The following NR5A2 variants were observed in gnomAD, a reference collection of about 807,000 sequenced individuals.
NR5A2 encodes nuclear receptor subfamily 5 group A member 2.
In NR5A2, 26 loss-of-function variants were observed where a neutral mutation model predicts 62.7. That is an observed-to-expected ratio of 0.41 (90% confidence interval 0.30 to 0.58). The LOEUF (loss-of-function observed/expected upper bound fraction) is 0.58. Ranked by LOEUF, NR5A2 falls within the 20% of genes least tolerant of loss-of-function variation. The probability of loss-of-function intolerance (pLI) is 0.22; values close to 1 mark genes in which losing one functional copy is unlikely to be tolerated. For missense variants in NR5A2, 541 were observed against 669.1 expected, an observed-to-expected ratio of 0.81 and a Z score of 2.11; for synonymous variants, 246 against 241.7, an observed-to-expected ratio of 1.02 and a Z score of -0.16.
chr1:200,171,881 CTTTT>C (rs1241703864), intron 7 of NR5A2, among the ~76,000 whole-genome samples: 2 of 152,148 alleles, frequency 1.3e-5, no homozygotes, highest in Admixed American at 6.5e-5. Context: ...AGTTTTCTTT[CTTTT>C]TGTTTTTCCT....
chr1:200,092,607 C>T (rs777090701), intron 5 of NR5A2, among the ~76,000 whole-genome samples: 2 of 151,926 alleles, frequency 1.3e-5, no homozygotes, highest in Non-Finnish European at 2.9e-5. Flanking sequence ...AGCTGGGGTG[C>T]CATCCAGGGC....
intron 5 of NR5A2, among the ~76,000 whole-genome samples, chr1:200,050,194 A>G (rs942947109): frequency 2.0e-5 from 3 of 152,246 alleles, no homozygotes; most frequent in Non-Finnish European, 4.4e-5. Context: ...AACATTTTTC[A>G]TGAAAAAACA....
In NR5A2 at chr1:200,074,476, G is replaced by A. The variant is rs183196311; in HGVS notation, c.1110+25658G>A. ...AAAAGGGCCGGGTGCGGTGGGTCAC[G>A]TCTGTAATCCCAGCACTTTGGGAGG... On this transcript the variant is annotated intron_variant, in intron 5 of 7. Coordinates refer to ENST00000367362, the MANE Select transcript of NR5A2 (RefSeq NM_205860.3). 2.3e-3 allele frequency among the ~76,000 whole-genome samples: 344 copies of A among 151,618 alleles called. 3 individuals are homozygous for A. The highest frequency in any genetic ancestry group is 7.9e-3 in the African/African-American group (327 of 41,448).
chr1:200,154,468 T>C (rs1653283846), intron 7 of NR5A2, among the ~76,000 whole-genome samples: 1 of 152,058 alleles, frequency 6.6e-6, no homozygotes. Flanking sequence ...CAGAGAGCAA[T>C]GGGGTGATAC....
intron 7 of NR5A2, among the ~76,000 whole-genome samples, chr1:200,127,416 C>A (rs1245908787): frequency 6.6e-6 from 1 of 151,890 alleles, no homozygotes; most frequent in Non-Finnish European, 1.5e-5. Context: ...GTGGCTCATG[C>A]CTGTAATCCT....
intron 7 of NR5A2, among the ~76,000 whole-genome samples, chr1:200,156,533 G>A (rs1571569633): frequency 6.6e-6 from 1 of 152,136 alleles, no homozygotes. Context: ...AAGTAGCTGG[G>A]ATTACAGGTG....
chr1:200,080,593 C>T (rs2102233932), intron 5 of NR5A2, among the ~76,000 whole-genome samples: 1 of 152,284 alleles, frequency 6.6e-6, no homozygotes, highest in Non-Finnish European at 1.5e-5. Context: ...CTTTTGTGTT[C>T]CATTACCCTT....
At chr1:200,161,466 T>C (rs1653638265) in intron 7 of NR5A2, among the ~76,000 whole-genome samples, 3 of 152,174 alleles carry the variant, frequency 2.0e-5, no homozygotes, top group Admixed American at 6.5e-5. Context: ...AGAATGCAAA[T>C]TGCAAATGTG....
rs777534067 is a variant in NR5A2, at chr1:200,039,767, A to G, written c.174A>G (p.Glu58=). ...TGGGACTGGCTCGATCGCATGGGGA[A>G]CAGGGCCAGATGCCGGAAAACATGC... ...EALGLARSHG[E]QGQMPENMQV... is the part of the protein sequence containing the mutation. Residue 58 remains glutamate (E), a synonymous_variant, in exon 2 of 8, where the codon GAA becomes GAG. Transcript: ENST00000367362. The surrounding 1 kb of genome is among the most constrained non-coding windows in gnomAD (Gnocchi z 5.1). The G allele has an allele frequency of 5.6e-6, 9 of 1,608,182 alleles. No homozygotes were observed. The highest frequency in any genetic ancestry group is 7.6e-6 in the Non-Finnish European group (9 of 1,177,392).
chr1:200,039,095 A>G lies in NR5A2; in HGVS notation c.65-563A>G, dbSNP rs1416401991. On this transcript the variant is annotated intron_variant, in intron 1 of 7. Transcript: ENST00000367362. The surrounding 1 kb of genome is among the most constrained non-coding windows in gnomAD (Gnocchi z 5.1). ...GCGCGGGGAGTGGACCAGGCAGGAG[A>G]GGGAGGTTGGAACTTCACAACTCCA... Among the ~76,000 whole-genome samples, 2 of 151,742 alleles carry G rather than the reference A, an allele frequency of 1.3e-5. No individual in the cohort carries two copies. The highest frequency in any genetic ancestry group is 2.4e-5 in the African/African-American group (1 of 41,268).
chr1:200,085,012 G>A (rs1664458480), intron 5 of NR5A2, among the ~76,000 whole-genome samples: 2 of 152,200 alleles, frequency 1.3e-5, no homozygotes, highest in African/African-American at 4.8e-5. Context: ...ACTTGAAGAT[G>A]AAAGACAGGC....
At chr1:200,150,716 T>G (rs1404062352) in intron 7 of NR5A2, among the ~76,000 whole-genome samples, 3 of 152,190 alleles carry the variant, frequency 2.0e-5, no homozygotes, top group Non-Finnish European at 4.4e-5. Flanking sequence ...TCACTATTGA[T>G]TTAAGATTTC....
chr1:200,095,869 A>T lies in NR5A2; in HGVS notation c.1111-15333A>T, dbSNP rs1234587271. 5.3e-5 allele frequency among the ~76,000 whole-genome samples: 8 copies of T among 152,150 alleles called. 1 individual carries two copies. In the South Asian group the frequency reaches 1.0e-3, roughly 20 times the overall value. On this transcript the variant is annotated intron_variant, in intron 5 of 7. Coordinates refer to ENST00000367362, the MANE Select transcript of NR5A2 (RefSeq NM_205860.3). ...GCCCGGCCAGCAAGTAATATTTTTT[A>T]AAAAATTTTTTGGCAGTGAAAAGTC... is the stretch of plus-strand genomic sequence containing the variant.
chr1:200,123,505 T>G (rs917942522), intron 7 of NR5A2, among the ~76,000 whole-genome samples: 1 of 152,210 alleles, frequency 6.6e-6, no homozygotes, highest in Middle Eastern at 3.4e-3. Context: ...CACATACTCA[T>G]TGAGTGCTTA....
chr1:200,090,824 G>A (rs1664781985), intron 5 of NR5A2, among the ~76,000 whole-genome samples: 1 of 152,124 alleles, frequency 6.6e-6, no homozygotes, highest in Non-Finnish European at 1.5e-5. Context: ...AACAGACACA[G>A]GTTTCCCTGA....
intron 1 of NR5A2, among the ~76,000 whole-genome samples, chr1:200,030,558 C>T (rs776341241): frequency 6.6e-6 from 1 of 152,120 alleles, no homozygotes; most frequent in African/African-American, 2.4e-5. Context: ...TTCTTTCTCC[C>T]AAGTGGGATG....
At chr1:200,106,859 T>C (rs1665699184) in intron 5 of NR5A2, among the ~76,000 whole-genome samples, 1 of 152,174 alleles carries the variant, frequency 6.6e-6, no homozygotes, top group South Asian at 2.1e-4. Flanking sequence ...TTTTTATTCA[T>C]AGAGCTGCGT....
intron 7 of NR5A2, among the ~76,000 whole-genome samples, chr1:200,168,669 A>G (rs1654027647): frequency 6.6e-6 from 1 of 152,144 alleles, no homozygotes; most frequent in African/African-American, 2.4e-5. Flanking sequence ...GAAACTGGAG[A>G]CAGAATCTCA....
At chr1:200,070,196 G>T (rs915721975) in intron 5 of NR5A2, among the ~76,000 whole-genome samples, 21 of 152,118 alleles carry the variant, frequency 1.4e-4, no homozygotes, top group Admixed American at 1.2e-3. Flanking sequence ...TAAGCTGTCA[G>T]TATATGTTAG....
Sources: gnomAD v4.1 joint callset for allele counts (sites outside exome capture counted in the v4.1 genomes callset) on GRCh38, gnomAD v4.1.1 for gene constraint, Gnocchi (gnomAD v3.1) non-coding constraint, MANE v1.5 for transcripts, NCBI Gene and HGNC (gene_info 2026-07-23, HGNC 2026-07-21) for gene names.